LCA5: variants seen among roughly 807,000 people sequenced by gnomAD.
LCA5 encodes the protein lebercilin LCA5.
LCA5 carries 37 observed loss-of-function variants against 53.0 expected under a neutral mutation model. The ratio of observed to expected loss-of-function variants is 0.70; its 90% confidence interval spans 0.54 to 0.92. The LOEUF is 0.92. Ranked by LOEUF, LCA5 falls within the 40% of genes least tolerant of loss-of-function variation. LCA5 has a pLI of 0.00. For missense variants in LCA5, 806 were observed against 790.5 expected (o/e 1.02, Z -0.23); for synonymous variants, 303 against 282.9 (o/e 1.07, Z -0.71).
intron 1 of LCA5, among the ~76,000 whole-genome samples, chr6:79,528,566 C>G (rs868468653): frequency 6.6e-6 from 1 of 152,168 alleles, no homozygotes; most frequent in Non-Finnish European, 1.5e-5. Flanking sequence ...GTAACAAATT[C>G]TTTTAATCCC....
intron 2 of LCA5, among the ~76,000 whole-genome samples, chr6:79,515,793 A>C (rs1766418207): frequency 6.6e-6 from 1 of 152,118 alleles, no homozygotes; most frequent in Non-Finnish European, 1.5e-5. Flanking sequence ...AAAAGATTTT[A>C]TAGAAGCTGT....
intron 1 of LCA5, among the ~76,000 whole-genome samples, chr6:79,530,245 A>AAACT (rs1377733531): frequency 3.9e-5 from 6 of 152,316 alleles, no homozygotes; most frequent in African/African-American, 1.4e-4. Context: ...TATCCTTAGC[A>AAACT]AACTAACAAA....
chr6:79,536,211 GA>G (rs1213706752), intron 1 of LCA5, among the ~76,000 whole-genome samples: 1 of 151,978 alleles, frequency 6.6e-6, no homozygotes, highest in African/African-American at 2.4e-5. Flanking sequence ...GGAACAACTG[GA>G]AAAAAACATA....
At chr6:79,499,900 T>C (rs968924861) in intron 3 of LCA5, among the ~76,000 whole-genome samples, 3 of 146,512 alleles carry the variant, frequency 2.0e-5, no homozygotes, top group East Asian at 2.1e-4. Context: ...CCTGTGTCCA[T>C]GTGTTCTCAT....
chr6:79,533,694 G>T (rs1767024561), intron 1 of LCA5, among the ~76,000 whole-genome samples: 1 of 150,264 alleles, frequency 6.7e-6, no homozygotes, highest in Non-Finnish European at 1.5e-5. Context: ...TTTTATCTCT[G>T]ATTACAAATG....
Position 79,491,526 on chromosome 6 carries a change from T to C in LCA5, c.1098+62A>G. ...ATTACTGAAATTTTAAAATGTCTGA[T>C]ATTGTGTTTTTAGGAATAACTTCAG... On this transcript the variant is annotated intron_variant, in intron 6 of 7. Coordinates refer to ENST00000369846, the MANE Select transcript of LCA5 (RefSeq NM_001122769.3). The C allele has an allele frequency of 2.6e-6, 4 of 1,543,874 alleles. No individual in the cohort carries two copies. The East Asian group carries it at 9.0e-5, about 35-fold the overall frequency.
intron 3 of LCA5, among the ~76,000 whole-genome samples, chr6:79,501,257 T>C (rs947657012): frequency 6.6e-6 from 1 of 152,108 alleles, no homozygotes; most frequent in South Asian, 2.1e-4. Context: ...TCCATCAAAT[T>C]CGTTGGGCCT....
intron 3 of LCA5, among the ~76,000 whole-genome samples, chr6:79,509,059 T>C (rs1045464966): frequency 6.6e-6 from 1 of 152,076 alleles, no homozygotes; most frequent in African/African-American, 2.4e-5. Context: ...TAGAGAACAA[T>C]TACCCTCAGG....
chr6:79,497,275 T>C (rs899718087), intron 3 of LCA5, among the ~76,000 whole-genome samples: 1 of 152,208 alleles, frequency 6.6e-6, no homozygotes, highest in African/African-American at 2.4e-5. Context: ...GACTGCTTAT[T>C]GATTTCACTA....
At chr6:79,525,688 G>C (rs939303564) in intron 1 of LCA5, among the ~76,000 whole-genome samples, 4 of 152,204 alleles carry the variant, frequency 2.6e-5, no homozygotes, top group Admixed American at 1.3e-4. Flanking sequence ...TCCTGCAAAG[G>C]CTCAGAGATC....
At chr6:79,530,348 G>C (rs1041183033) in intron 1 of LCA5, among the ~76,000 whole-genome samples, 2 of 151,976 alleles carry the variant, frequency 1.3e-5, no homozygotes, top group Non-Finnish European at 1.5e-5. Flanking sequence ...ACACACTAGG[G>C]ACTATTAAAG....
In LCA5 at chr6:79,486,300, G is replaced by C. The variant is rs1057041219; in HGVS notation, c.*704C>G. On this transcript the variant is annotated 3_prime_UTR_variant, in exon 8 of 8. Coordinates refer to ENST00000369846, the MANE Select transcript of LCA5 (RefSeq NM_001122769.3). ...AATTACACTGTAGCCAAGCTTCTGC[G>C]GGCTATGACAGAGAGCAACTAACTG... 1 of 152,098 alleles carries C rather than the reference G, an allele frequency of 6.6e-6. No homozygotes were observed. Among genetic ancestry groups the C allele is most frequent in the African/African-American group, 2.4e-5 (1 of 41,382 alleles). 9.4% of individuals were successfully genotyped at this position (152,098 alleles called of 1,614,324 possible).
rs978058628 is a variant in LCA5, at chr6:79,492,543, T to A, written c.955+8A>T. 26 of 1,365,186 alleles carry A rather than the reference T, an allele frequency of 1.9e-5. No homozygotes were observed. Among genetic ancestry groups the A allele is most frequent in the Non-Finnish European group, 2.6e-5 (25 of 966,102 alleles). 84.6% of individuals were successfully genotyped at this position (1,365,186 alleles called of 1,614,324 possible). On this transcript the variant is annotated splice_region_variant and intron_variant, in intron 5 of 7. Transcript: ENST00000369846. ...ATATCAGTTTTTGAACAATCATATT[T>A]ACCATACCATTTTTTCTTAATGCAA...
chr6:79,497,597 A>G (rs562505917), intron 3 of LCA5, among the ~76,000 whole-genome samples: 1 of 152,336 alleles, frequency 6.6e-6, no homozygotes, highest in African/African-American at 2.4e-5. Flanking sequence ...GAAATGGTCC[A>G]GATAAAAGGA....
At chr6:79,537,634 G>C (rs926907378), upstream of LCA5, among the ~76,000 whole-genome samples, 1 of 152,204 alleles carries the variant, frequency 6.6e-6, no homozygotes, top group Non-Finnish European at 1.5e-5. Flanking sequence ...GAGCGCTCCA[G>C]GCTCCTACGG....
rs1769669375 is a variant in LCA5, at chr6:79,486,824, T to C, written c.*180A>G. The C allele has an allele frequency of 2.0e-6, 1 of 507,984 alleles. No homozygotes were observed. Among genetic ancestry groups the C allele is most frequent in the Non-Finnish European group, 3.4e-6 (1 of 297,986 alleles). The allele number at this position is 507,984 out of a possible 1,614,324, so 31.5% of individuals were successfully genotyped here. ...CATTCAAAAAAGCCTCCTTCATTCT[T>C]GGCAAACTATCTATGTGGTGTATGT... On this transcript the variant is annotated 3_prime_UTR_variant, in exon 8 of 8. Transcript: ENST00000369846.
At chr6:79,534,019 A>T (rs1477631124) in intron 1 of LCA5, among the ~76,000 whole-genome samples, 1 of 150,110 alleles carries the variant, frequency 6.7e-6, no homozygotes, top group Non-Finnish European at 1.5e-5. Flanking sequence ...AGTAAAAACC[A>T]TATTGCTACA....
intron 4 of LCA5, 131 bp from the exon 5 acceptor site, chr6:79,492,778 C>A: frequency 1.6e-6 from 1 of 612,142 alleles, no homozygotes; most frequent in Non-Finnish European, 2.9e-6. Flanking sequence ...TTGTAACTAC[C>A]AAACTATAGA....
intron 3 of LCA5, among the ~76,000 whole-genome samples, chr6:79,502,673 A>AT (rs1770173973): frequency 1.3e-5 from 2 of 152,186 alleles, no homozygotes; most frequent in Admixed American, 1.3e-4. Context: ...CAAAATTATA[A>AT]TATTTTAATT....
Sources: allele counts gnomAD v4.1 joint callset (sites outside exome capture counted in the v4.1 genomes callset), GRCh38; gene constraint gnomAD v4.1.1; transcripts MANE v1.5; gene names NCBI Gene and HGNC (gene_info 2026-07-23, HGNC 2026-07-21).